Variants in ST7L observed in about 807,000 individuals in gnomAD.
ST7L encodes the protein suppression of tumorigenicity 7 like, also known as suppressor of tumorigenicity 7 protein-like.
Under a neutral mutation model 72.5 loss-of-function variants are expected in ST7L, and 57 were observed. The observed-to-expected ratio is 0.79, with a 90% CI of 0.64 to 0.98. ST7L has a LOEUF of 0.98. Ranked by LOEUF, ST7L falls within the 50% of genes least tolerant of loss-of-function variation. ST7L has a pLI of 0.00. For synonymous variants in ST7L, 221 were observed against 240.9 expected (o/e 0.92, Z 0.77); for missense variants, 576 against 672.2 (o/e 0.86, Z 1.58).
At chr1:112,582,313 C>G (rs935498295) in intron 8 of ST7L, 62 bp downstream of exon 8, 48 of 1,254,738 alleles carry the variant, frequency 3.8e-5, no homozygotes, top group Non-Finnish European at 5.0e-5. Flanking sequence ...TAACTGGCAA[C>G]TTAACTAAAT....
intron 11 of ST7L, among the ~76,000 whole-genome samples, chr1:112,565,211 ATTTTTT>A (rs777969643): frequency 2.9e-4 from 17 of 57,938 alleles, no homozygotes; most frequent in Admixed American, 2.1e-4. Flanking sequence ...TGTTCGGCTA[ATTTTTT>A]TTTTTTTTTT....
downstream of ST7L, chr1:112,520,532 C>A: frequency 6.2e-7 from 1 of 1,608,876 alleles, no homozygotes; most frequent in Non-Finnish European, 8.5e-7. Flanking sequence ...CTCACTCATC[C>A]CTCCAATTCA....
intron 14 of ST7L, among the ~76,000 whole-genome samples, chr1:112,541,590 T>C (rs1380850025): frequency 1.3e-5 from 2 of 152,154 alleles, no homozygotes; most frequent in African/African-American, 2.4e-5. Flanking sequence ...TCCTGAGAAC[T>C]AATGATTTCA....
intron 9 of ST7L, 122 bp from the exon 10 acceptor site, chr1:112,578,539 G>T (rs1281351142): frequency 3.7e-6 from 3 of 819,866 alleles, no homozygotes; most frequent in Non-Finnish European, 6.1e-6. Context: ...ACTTAGGGAG[G>T]CTGAGGCGGG....
chr1:112,533,159 T>G (rs977049096), intron 14 of ST7L, among the ~76,000 whole-genome samples: 2 of 151,690 alleles, frequency 1.3e-5, no homozygotes, highest in African/African-American at 2.4e-5. Flanking sequence ...TTCTTTAGTA[T>G]TATTGTACAT....
At chr1:112,529,013 C>T (rs1334047280) in intron 14 of ST7L, 1 of 152,148 alleles carries the variant, frequency 6.6e-6, no homozygotes, top group African/African-American at 2.4e-5. Context: ...ACTTATGGGG[C>T]TTTTGTCATA....
At chr1:112,581,938 ATTACATAATTG>A in intron 9 of ST7L, 43 bp downstream of exon 9, 1 of 1,190,754 alleles carries the variant, frequency 8.4e-7, no homozygotes, top group Non-Finnish European at 1.2e-6. Context: ...CACATTTATA[ATTACATAATTG>A]GAAAAGAATA....
intron 6 of ST7L, among the ~76,000 whole-genome samples, chr1:112,589,256 C>A (rs1665314880): frequency 6.6e-6 from 1 of 151,800 alleles, no homozygotes; most frequent in African/African-American, 2.4e-5. Flanking sequence ...AATTTCTTTT[C>A]TTTTTATTTA....
At chr1:112,561,224 AAACAT>A (rs1182599896) in intron 11 of ST7L, among the ~76,000 whole-genome samples, 2 of 151,380 alleles carry the variant, frequency 1.3e-5, no homozygotes, top group Admixed American at 1.3e-4. Context: ...ACAGAAATGG[AAACAT>A]AACAGAGCTA....
In ST7L at chr1:112,554,434, T is replaced by G. The variant is rs1228937903; in HGVS notation, c.1396+1434A>C. Among the ~76,000 whole-genome samples the G allele has an allele frequency of 4.6e-5, 7 of 152,192 alleles. No individual in the cohort carries two copies. In the East Asian group the frequency reaches 1.3e-3, roughly 29 times the overall value. ...AGATTCCACTTCACATCCATTAGGA[T>G]GGCTATTATTTACATAAAGAAAAAT... is the stretch of plus-strand genomic sequence containing the variant. On this transcript the variant is annotated intron_variant, in intron 12 of 14. Transcript: ENST00000358039.
intron 14 of ST7L, among the ~76,000 whole-genome samples, chr1:112,534,461 A>AT (rs1206359154): frequency 3.3e-5 from 5 of 152,212 alleles, no homozygotes; most frequent in South Asian, 2.1e-4. Context: ...GTAAGAATAA[A>AT]TGAGGATATA....
rs142549621 is a variant in ST7L, at chr1:112,541,147, T to C, written c.1629+804A>G. 4.5e-3 allele frequency among the ~76,000 whole-genome samples: 684 copies of C among 152,182 alleles called. 1 individual carries two copies. Among genetic ancestry groups the C allele is most frequent in the African/African-American group, 0.016 (652 of 41,508 alleles). ...AAAAAATACAAACATTAGCTGGGCATGGTGGCATGTGCCTATAGTCCCAGC... is the reference window on the plus strand; with the variant it reads ...AAAAAATACAAACATTAGCTGGGCACGGTGGCATGTGCCTATAGTCCCAGC... On this transcript the variant is annotated intron_variant, in intron 14 of 14. Transcript: ENST00000358039.
At chr1:112,558,987 C>A (rs1470132127) in intron 11 of ST7L, among the ~76,000 whole-genome samples, 1 of 152,122 alleles carries the variant, frequency 6.6e-6, no homozygotes, top group Non-Finnish European at 1.5e-5. Flanking sequence ...AAAAAGAATA[C>A]TGAGTTTTCA....
At chr1:112,556,985 C>T (rs67568954) in intron 11 of ST7L, among the ~76,000 whole-genome samples, 1 of 82,114 alleles carries the variant, frequency 1.2e-5, no homozygotes, top group African/African-American at 5.0e-5. Flanking sequence ...AAAAAAAAAA[C>T]AAAAAAAAAA....
intron 1 of ST7L, chr1:112,618,434 A>G (rs766871236): frequency 2.8e-5 from 6 of 216,326 alleles, no homozygotes; most frequent in African/African-American, 4.7e-5. Context: ...AAACAAGAGA[A>G]TCCTCAATTA....
chr1:112,526,739 CAA>C (rs11318218), intron 14 of ST7L: 95 of 121,362 alleles, frequency 7.8e-4, no homozygotes, highest in East Asian at 2.3e-3. Flanking sequence ...GACTCCGTCA[CAA>C]AAAAAAAAAA....
intron 1 of ST7L, chr1:112,617,119 C>T: frequency 3.4e-6 from 1 of 296,344 alleles, no homozygotes. Context: ...GAGAATAAAA[C>T]TAAAGCACTT....
At position 112,595,370 on chromosome 1, in the gene ST7L, G is replaced by GAAA. The variant is rs67553307; in HGVS notation, c.622+2598_622+2600dup. Among the ~76,000 whole-genome samples, 11 of 52,022 alleles carry GAAA rather than the reference G, an allele frequency of 2.1e-4. 1 individual carries two copies. The highest frequency in any genetic ancestry group is 1.8e-3 in the East Asian group (3 of 1,662). The allele number at this position is 52,022 out of a possible 152,430, so 34.1% of individuals were successfully genotyped here. A position where few individuals can be genotyped will look rare whatever the true frequency, so the allele number is the denominator to read the frequency against. On this transcript the variant is annotated intron_variant, in intron 5 of 14. Transcript: ENST00000358039. ...ACAAAAGCAAAACTTGGTCTCAAAA[G>GAAA]AAAAAAAAAAAAAAAAAAAAAAAAA...
upstream of ST7L, chr1:112,619,235 C>A (rs1391566815): frequency 3.3e-6 from 3 of 905,952 alleles, no homozygotes; most frequent in African/African-American, 1.7e-5. Context: ...CCTGGGGAAC[C>A]GGGACCGAGA....
Sources: allele counts gnomAD v4.1 joint callset (sites outside exome capture counted in the v4.1 genomes callset), GRCh38; gene constraint gnomAD v4.1.1; transcripts MANE v1.5; gene names NCBI Gene and HGNC (gene_info 2026-07-23, HGNC 2026-07-21).